RGPD1: variants seen among roughly 807,000 people sequenced by gnomAD.
The protein encoded by RGPD1 is RANBP2 like and GRIP domain containing 1.
RGPD1 carries 7 observed loss-of-function variants against 40.6 expected under a neutral mutation model. The observed-to-expected ratio is 0.17, with a 90% CI of 0.10 to 0.32. The LOEUF is 0.32. Ranked by LOEUF, RGPD1 falls within the 10% of genes least tolerant of loss-of-function variation. The pLI is 1.00. For synonymous variants in RGPD1, 24 were observed against 167.0 expected (o/e 0.14, Z 6.60); for missense variants, 50 against 472.5 (o/e 0.11, Z 8.29).
chr2:86,915,237 G>A (rs62146839), intron 1 of RGPD1, among the ~76,000 whole-genome samples: 87,116 of 149,976 alleles, frequency 0.58, 28,178 homozygotes, highest in African/African-American at 0.82. Context: ...CGGAGGTTGC[G>A]GTGAGCCAAG....
chr2:87,000,165 A>G (rs1681923634), intron 22 of RGPD1, among the ~76,000 whole-genome samples: 1 of 125,822 alleles, frequency 7.9e-6, no homozygotes, highest in East Asian at 2.2e-4. Flanking sequence ...CCCTATAAAA[A>G]ACAAGACAGA....
upstream of RGPD1, among the ~76,000 whole-genome samples, chr2:86,937,876 TAAG>T (rs1414713823): frequency 2.3e-5 from 2 of 88,348 alleles, no homozygotes; most frequent in Non-Finnish European, 4.0e-5. Flanking sequence ...CAGAAGTAAG[TAAG>T]AAAGGAATTC....
At chr2:86,931,880 C>CT (rs1431193508) in intron 1 of RGPD1, among the ~76,000 whole-genome samples, 2 of 148,346 alleles carry the variant, frequency 1.3e-5, no homozygotes, top group Non-Finnish European at 3.0e-5. Flanking sequence ...ATTTCCATAA[C>CT]TTCATTTGGT....
upstream of RGPD1, among the ~76,000 whole-genome samples, chr2:86,941,105 CCA>C (rs1679710870): frequency 1.3e-5 from 2 of 151,976 alleles, no homozygotes; most frequent in African/African-American, 4.8e-5. Context: ...GCCCAAATTT[CCA>C]GTTAAAAATA....
chr2:87,000,641 AC>A lies in RGPD1; in HGVS notation c.5236+2884del, dbSNP rs1358157810. Among the ~76,000 whole-genome samples, 11 of 88,394 alleles carry A rather than the reference AC, an allele frequency of 1.2e-4. 3 individuals carry two copies. The East Asian group carries it at 3.1e-3, about 25-fold the overall frequency. The allele number at this position is 88,394 out of a possible 152,430, so 58.0% of individuals were successfully genotyped here. ...GTTTAGCAGCAGATTTAGATACCTT[AC>A]ATTTTCTCTTTAAGAGAGAGAATGT... On this transcript the variant is annotated intron_variant, in intron 22 of 22. Transcript: ENST00000641458.
At chr2:86,930,709 C>T (rs996118515) in intron 1 of RGPD1, 6 of 1,564,434 alleles carry the variant, frequency 3.8e-6, no homozygotes, top group South Asian at 1.1e-5. Context: ...GCCCGAAGTG[C>T]CCCCCAGGCC....
intron 1 of RGPD1, among the ~76,000 whole-genome samples, chr2:86,914,298 CGGCGGCGGCGGCGGCG>C (rs1677634535): frequency 2.3e-4 from 13 of 57,392 alleles, no homozygotes; most frequent in Non-Finnish European, 3.2e-4. Context: ...GCGGCGGCGG[CGGCGGCGGCGGCGGCG>C]GCGGCCTCGG....
chr2:86,928,999 G>T, intron 1 of RGPD1, among the ~76,000 whole-genome samples: 1 of 144,522 alleles, frequency 6.9e-6, no homozygotes, highest in African/African-American at 2.6e-5. Flanking sequence ...AGGTTTGAAT[G>T]AAAGGGTGCT....
intron 1 of RGPD1, among the ~76,000 whole-genome samples, chr2:86,942,788 C>T (rs1269720803): frequency 1.2e-4 from 18 of 151,684 alleles, no homozygotes; most frequent in Admixed American, 5.9e-4. Context: ...AGGCGCCGGC[C>T]GGCTGGCGCA....
At chr2:86,938,515 C>T (rs1573597613), upstream of RGPD1, among the ~76,000 whole-genome samples, 1 of 144,898 alleles carries the variant, frequency 6.9e-6, no homozygotes, top group South Asian at 2.1e-4. Flanking sequence ...GGGTAAAGAT[C>T]AGAGTAGGCA....
At chr2:86,919,991 C>G (rs1347058600) in intron 1 of RGPD1, among the ~76,000 whole-genome samples, 1 of 151,722 alleles carries the variant, frequency 6.6e-6, no homozygotes, top group African/African-American at 2.4e-5. Flanking sequence ...GAGTTTGTGT[C>G]TATTTCAGCA....
chr2:86,946,158 TGTTA>T (rs1268000278), intron 1 of RGPD1, among the ~76,000 whole-genome samples: 11 of 131,910 alleles, frequency 8.3e-5, no homozygotes, highest in African/African-American at 2.7e-4. Context: ...CTTTGACAGC[TGTTA>T]GTTGTTTTTT....
chr2:86,915,077 C>T (rs947274271), intron 1 of RGPD1, among the ~76,000 whole-genome samples: 3 of 150,306 alleles, frequency 2.0e-5, no homozygotes, highest in African/African-American at 7.3e-5. Flanking sequence ...AGGTGGATCG[C>T]TTGAGGTCGG....
Position 86,924,000 on chromosome 2 carries a change from CT to C in RGPD1, c.72+10085del, listed in dbSNP as rs748974286. Reference sequence around the variant, plus strand: ...TTGTTACAGATACCCGTAGTTTGTGCTTTTTTATTGCTGAGTAGTATGAATA... The same window carrying C: ...TTGTTACAGATACCCGTAGTTTGTGCTTTTTATTGCTGAGTAGTATGAATA... On this transcript the variant is annotated intron_variant, in intron 1 of 22. Coordinates refer to the RGPD1 transcript ENST00000398193. Among the ~76,000 whole-genome samples the C allele has an allele frequency of 2.1e-3, 175 of 85,092 alleles. 4 individuals are homozygous for C. The East Asian group carries it at 0.04, about 20-fold the overall frequency. The allele number at this position is 85,092 out of a possible 152,430, so 55.8% of individuals were successfully genotyped here.
chr2:86,924,507 C>T (rs1415558204), intron 1 of RGPD1, among the ~76,000 whole-genome samples: 1 of 150,518 alleles, frequency 6.6e-6, no homozygotes, highest in Admixed American at 6.7e-5. Flanking sequence ...CACTTTTTGC[C>T]TACGCCGGAC....
At chr2:86,919,695 T>A (rs1200948044) in intron 1 of RGPD1, among the ~76,000 whole-genome samples, 297 of 107,902 alleles carry the variant, frequency 2.8e-3, no homozygotes, top group African/African-American at 8.7e-3. Flanking sequence ...GCCTGTCCTG[T>A]CTCTCTCTAT....
At chr2:86,942,667 G>A (rs868680641) in intron 1 of RGPD1, among the ~76,000 whole-genome samples, 1,482 of 141,998 alleles carry the variant, frequency 0.01, 25 homozygotes, top group African/African-American at 0.036. Flanking sequence ...GGGCGGCGGC[G>A]GCGGCCTCGA....
At chr2:86,978,095 C>A in intron 17 of RGPD1, among the ~76,000 whole-genome samples, 164 bp downstream of exon 17, 1 of 119,012 alleles carries the variant, frequency 8.4e-6, no homozygotes, top group East Asian at 2.1e-4. Flanking sequence ...AAGGCAGGGT[C>A]TTGTTGTGCA....
At chr2:86,933,232 TTTTAA>T (rs1679105655) in intron 1 of RGPD1, among the ~76,000 whole-genome samples, 2 of 150,390 alleles carry the variant, frequency 1.3e-5, no homozygotes, top group South Asian at 2.1e-4. Flanking sequence ...AACATTCTGC[TTTTAA>T]TTTATCTACA....
Sources: allele counts gnomAD v4.1 joint callset (sites outside exome capture counted in the v4.1 genomes callset), GRCh38; gene constraint gnomAD v4.1.1; transcripts MANE v1.5; gene names NCBI Gene and HGNC (gene_info 2026-07-23, HGNC 2026-07-21).